ACSF3: variants seen among roughly 807,000 people sequenced by gnomAD.
The protein encoded by ACSF3 is acyl-CoA synthetase family member 3.
ACSF3 carries 78 observed loss-of-function variants against 53.2 expected under a neutral mutation model. The ratio of observed to expected loss-of-function variants is 1.47; its 90% confidence interval spans 1.22 to 1.77. The LOEUF (loss-of-function observed/expected upper bound fraction) is 1.77, where lower values mean the gene tolerates loss of function less well. ACSF3 is among the 40% of genes most tolerant of loss of function. The pLI, the probability that ACSF3 is intolerant of heterozygous loss-of-function variation, is 0.00. For missense variants in ACSF3, 937 were observed against 771.1 expected (o/e 1.22, Z -2.55); for synonymous variants, 414 against 333.1 (o/e 1.24, Z -2.65).
At position 89,100,826 on chromosome 16, in the gene ACSF3, C is replaced by T. The variant is rs141518662; in HGVS notation, c.145C>T (p.Arg49Cys). ...RSDRSAPVFT[R>C]ALAFGDRIAL... ...GGACAGGAGCGCCCCGGTGTTCACCCGTGCCCTGGCCTTTGGGGACAGAAT... is the reference window on the plus strand; with the variant it reads ...GGACAGGAGCGCCCCGGTGTTCACCTGTGCCCTGGCCTTTGGGGACAGAAT... Residue 49 changes from arginine to cysteine, a missense_variant, in exon 3 of 11, where the codon CGT (arginine) becomes TGT (cysteine). Coordinates refer to ENST00000614302, the MANE Select transcript of ACSF3 (RefSeq NM_001243279.3). The T allele has an allele frequency of 7.1e-5, 115 of 1,613,196 alleles. No homozygotes were observed. Among genetic ancestry groups the T allele is most frequent in the Non-Finnish European group, 9.2e-5 (108 of 1,180,046 alleles).
chr16:89,110,016 A>G (rs1272394252), intron 4 of ACSF3, among the ~76,000 whole-genome samples: 1 of 152,246 alleles, frequency 6.6e-6, no homozygotes, highest in Non-Finnish European at 1.5e-5. Flanking sequence ...TATTCCGGAT[A>G]CGAGTCTCTT....
At chr16:89,143,264 C>T (rs545372643) in intron 8 of ACSF3, among the ~76,000 whole-genome samples, 1 of 152,220 alleles carries the variant, frequency 6.6e-6, no homozygotes, top group South Asian at 2.1e-4. Flanking sequence ...CCGTGAGTAA[C>T]TGTGGTGCAT....
chr16:89,114,706 A>C, intron 6 of ACSF3: 1 of 675,680 alleles, frequency 1.5e-6, no homozygotes. Context: ...TGGATGGGGG[A>C]GGTGTCTGTG....
intron 7 of ACSF3, among the ~76,000 whole-genome samples, chr16:89,121,452 G>A (rs1906629966): frequency 6.6e-6 from 1 of 152,246 alleles, no homozygotes; most frequent in South Asian, 2.1e-4. Context: ...TTATTCTAAA[G>A]CTGACAAGGG....
intron 10 of ACSF3, chr16:89,148,038 C>T (rs1597260461): frequency 6.6e-6 from 1 of 152,010 alleles, no homozygotes; most frequent in Admixed American, 6.5e-5. Flanking sequence ...GGCTGCGAGC[C>T]CCAGGCAGGT....
At chr16:89,103,852 C>A (rs1036820908) in intron 4 of ACSF3, among the ~76,000 whole-genome samples, 1 of 152,190 alleles carries the variant, frequency 6.6e-6, no homozygotes, top group African/African-American at 2.4e-5. Flanking sequence ...TCACACAGAG[C>A]GCTGGGGTGG....
Position 89,102,876 on chromosome 16 carries a change from G to A in ACSF3, c.822+117G>A, listed in dbSNP as rs72817438. On this transcript the variant is annotated intron_variant, in intron 4 of 10. Transcript: ENST00000614302. ...GCGCCTTTCGCTGGTTGGGGTCAGG[G>A]CTCTCGGCCGCGCCCTCAGACTAGG... 57,069 of 1,421,742 alleles carry A rather than the reference G, an allele frequency of 0.04. 1,572 individuals carry two copies. Among genetic ancestry groups the A allele is most frequent in the East Asian group, 0.13 (5,399 of 41,778 alleles). The allele number at this position is 1,421,742 out of a possible 1,614,324, so 88.1% of individuals were successfully genotyped here. A position where few individuals can be genotyped will look rare whatever the true frequency, so the allele number is the denominator to read the frequency against.
At chr16:89,111,516 G>A (rs1261060077) in intron 4 of ACSF3, among the ~76,000 whole-genome samples, 5 of 152,242 alleles carry the variant, frequency 3.3e-5, no homozygotes, top group African/African-American at 9.6e-5. Flanking sequence ...GTGGAACACC[G>A]CGGGTAGAGA....
chr16:89,127,349 GT>G (rs1359209529), intron 7 of ACSF3, among the ~76,000 whole-genome samples: 7 of 151,894 alleles, frequency 4.6e-5, no homozygotes, highest in Admixed American at 4.6e-4. Context: ...GGGCCTAGAG[GT>G]TTTCTTTTCT....
chr16:89,136,825 T>G (rs147029815), intron 8 of ACSF3: 6 of 1,284,762 alleles, frequency 4.7e-6, no homozygotes, highest in African/African-American at 3.0e-5. Context: ...AAAGGTCTGT[T>G]TCAGGTAACT....
intron 1 of ACSF3, among the ~76,000 whole-genome samples, chr16:89,094,408 C>G (rs1336497098): frequency 6.6e-6 from 1 of 152,202 alleles, no homozygotes; most frequent in African/African-American, 2.4e-5. Context: ...TTGCTGGGCG[C>G]GTGGGGCACA....
At chr16:89,122,517 G>T (rs1258192556) in intron 7 of ACSF3, 1 of 364,668 alleles carries the variant, frequency 2.7e-6, no homozygotes, top group Non-Finnish European at 5.6e-6. Context: ...GTGCCCTGCA[G>T]TGCCCCTGCC....
chr16:89,137,890 G>A (rs890641633), intron 8 of ACSF3, among the ~76,000 whole-genome samples: 3 of 152,212 alleles, frequency 2.0e-5, no homozygotes, highest in South Asian at 2.1e-4. Flanking sequence ...TGTCTGAGGC[G>A]TGTTGGGGTA....
intron 10 of ACSF3, chr16:89,151,601 T>G: frequency 5.1e-6 from 1 of 194,958 alleles, no homozygotes; most frequent in Non-Finnish European, 1.0e-5. Flanking sequence ...GTCTGTGTAA[T>G]TCACCATATA....
intron 7 of ACSF3, among the ~76,000 whole-genome samples, chr16:89,130,582 A>G (rs1353382652): frequency 2.6e-5 from 4 of 152,154 alleles, no homozygotes; most frequent in Admixed American, 1.3e-4. Flanking sequence ...TCAAAAAAAT[A>G]CTACTAATAA....
At chr16:89,114,917 G>A (rs55974015) in intron 6 of ACSF3, 1 of 333,624 alleles carries the variant, frequency 3.0e-6, no homozygotes, top group Non-Finnish European at 5.9e-6. Context: ...TGGGTGTGGT[G>A]GGCAGGGTGG....
chr16:89,131,581 GTCTTGTTGACA>G (rs1354272356), intron 7 of ACSF3, among the ~76,000 whole-genome samples: 1 of 152,124 alleles, frequency 6.6e-6, no homozygotes, highest in African/African-American at 2.4e-5. Context: ...GAGATTCTTG[GTCTTGTTGACA>G]TTCTGTGAAG....
At chr16:89,109,536 T>G (rs1438328876) in intron 4 of ACSF3, among the ~76,000 whole-genome samples, 1 of 144,890 alleles carries the variant, frequency 6.9e-6, no homozygotes, top group Non-Finnish European at 1.5e-5. Flanking sequence ...CTCAGCCATC[T>G]CAGCAGCTGG....
chr16:89,104,106 C>G (rs558254212), intron 4 of ACSF3, among the ~76,000 whole-genome samples: 2 of 152,284 alleles, frequency 1.3e-5, no homozygotes, highest in Non-Finnish European at 2.9e-5. Context: ...GAGGGGCAGG[C>G]CTTGAGCCCA....
Sources: gnomAD v4.1 joint callset for allele counts (sites outside exome capture counted in the v4.1 genomes callset) on GRCh38, gnomAD v4.1.1 for gene constraint, MANE v1.5 for transcripts, NCBI Gene and HGNC (gene_info 2026-07-23, HGNC 2026-07-21) for gene names.